Variants in SLC35B4 observed in about 807,000 individuals in gnomAD.
SLC35B4 encodes the protein nucleotide sugar transporter SLC35B4.
A neutral mutation model predicts 39.5 loss-of-function variants in SLC35B4; 28 were observed. The ratio of observed to expected loss-of-function variants is 0.71; its 90% CI spans 0.53 to 0.97. The LOEUF is 0.97. SLC35B4 is among the 50% of genes least tolerant of loss of function. The pLI, the probability that SLC35B4 is intolerant of heterozygous loss-of-function variation, is 0.00. For missense variants in SLC35B4, 334 were observed against 414.3 expected (o/e 0.81, Z 1.68); for synonymous variants, 145 against 150.4 (o/e 0.96, Z 0.26).
intron 1 of SLC35B4, among the ~76,000 whole-genome samples, chr7:134,310,388 G>A (rs1237427384): frequency 6.6e-6 from 1 of 152,124 alleles, no homozygotes; most frequent in East Asian, 1.9e-4. Flanking sequence ...CTGAAAACTA[G>A]TCATTTAAAA....
intron 1 of SLC35B4, among the ~76,000 whole-genome samples, chr7:134,312,493 C>T (rs907921077): frequency 6.6e-6 from 1 of 152,048 alleles, no homozygotes; most frequent in Non-Finnish European, 1.5e-5. Flanking sequence ...AAGCCAGTGC[C>T]TTAGCAGGGA....
At chr7:134,310,958 T>C (rs1391733472) in intron 1 of SLC35B4, among the ~76,000 whole-genome samples, 2 of 152,206 alleles carry the variant, frequency 1.3e-5, no homozygotes, top group Non-Finnish European at 2.9e-5. Flanking sequence ...CCATTCTCCA[T>C]TGGTATTAGT....
At chr7:134,305,448 G>A (rs951146237) in intron 3 of SLC35B4, among the ~76,000 whole-genome samples, 2 of 152,086 alleles carry the variant, frequency 1.3e-5, no homozygotes, top group Non-Finnish European at 2.9e-5. Context: ...TGCATCCCGT[G>A]AATACTGTAT....
intron 1 of SLC35B4, among the ~76,000 whole-genome samples, chr7:134,316,460 A>G (rs1803979868): frequency 6.6e-6 from 1 of 152,252 alleles, no homozygotes; most frequent in African/African-American, 2.4e-5. Flanking sequence ...GTTAGGCGGG[A>G]CTGCCGCCGG....
chr7:134,292,359 G>A lies in SLC35B4; in HGVS notation c.*2474C>T, dbSNP rs993894683. On this transcript the variant is annotated 3_prime_UTR_variant, in exon 10 of 10. Transcript: ENST00000378509. ...GAAAAAACAGTTCCCAGGGAATTTGGGGCTTTCTGCTTCTATATGTGGTCA... is the reference window on the plus strand; with the variant it reads ...GAAAAAACAGTTCCCAGGGAATTTGAGGCTTTCTGCTTCTATATGTGGTCA... 4 of 152,262 alleles carry A rather than the reference G, an allele frequency of 2.6e-5. No homozygotes were observed. The highest frequency in any genetic ancestry group is 9.7e-5 in the African/African-American group (4 of 41,378). 9.4% of individuals were successfully genotyped at this position (152,262 alleles called of 1,614,324 possible).
chr7:134,297,470 G>A (rs1803492593), intron 8 of SLC35B4, among the ~76,000 whole-genome samples: 1 of 152,182 alleles, frequency 6.6e-6, no homozygotes, highest in Non-Finnish European at 1.5e-5. Context: ...AAAATCAAAT[G>A]CCCAATGATG....
At chr7:134,299,383 G>T (rs779122617) in intron 8 of SLC35B4, 140 bp downstream of exon 8, 20 of 513,352 alleles carry the variant, frequency 3.9e-5, no homozygotes, top group Non-Finnish European at 6.7e-5. Flanking sequence ...GCAATGACTG[G>T]AAAGTGGAAT....
intron 1 of SLC35B4, among the ~76,000 whole-genome samples, chr7:134,311,303 G>A (rs1395945809): frequency 6.6e-6 from 1 of 152,110 alleles, no homozygotes; most frequent in Non-Finnish European, 1.5e-5. Flanking sequence ...AACTCTAGAT[G>A]GTTCCTAGCA....
chr7:134,305,948 CCT>C (rs1427627806), intron 3 of SLC35B4, among the ~76,000 whole-genome samples: 8 of 152,304 alleles, frequency 5.3e-5, no homozygotes, highest in Non-Finnish European at 1.5e-5. Context: ...GGATTACAGG[CCT>C]GAACCACTGT....
intron 1 of SLC35B4, among the ~76,000 whole-genome samples, chr7:134,311,518 G>C (rs564245041): frequency 6.6e-6 from 1 of 152,232 alleles, no homozygotes; most frequent in South Asian, 2.1e-4. Flanking sequence ...AGCCAGATGT[G>C]GTGGTGCATG....
chr7:134,296,755 A>G (rs959687351), intron 8 of SLC35B4, among the ~76,000 whole-genome samples: 7 of 152,360 alleles, frequency 4.6e-5, no homozygotes, highest in African/African-American at 1.7e-4. Flanking sequence ...GAAGCACAGA[A>G]AAGTTGAAAA....
rs935461281 is a variant in SLC35B4 at position 134,316,816 on chromosome 7, A to G, written c.-65T>C. The G allele has an allele frequency of 8.5e-5, 126 of 1,489,312 alleles. No individual in the cohort carries two copies. Among genetic ancestry groups the G allele is most frequent in the Non-Finnish European group, 1.1e-4 (124 of 1,099,274 alleles). The allele number at this position is 1,489,312 out of a possible 1,614,324, so 92.3% of individuals were successfully genotyped here. On this transcript the variant is annotated 5_prime_UTR_variant, in exon 1 of 10. Transcript: ENST00000378509. Reference sequence around the variant, plus strand: ...CGCCCGCCTGTACCGCTACCCCAGGAAGCCGGCCTCCTGCCTCTTCGCTGC... The same window carrying G: ...CGCCCGCCTGTACCGCTACCCCAGGGAGCCGGCCTCCTGCCTCTTCGCTGC...
chr7:134,317,846 C>A (rs1392426073), upstream of SLC35B4, among the ~76,000 whole-genome samples: 5 of 149,034 alleles, frequency 3.4e-5, no homozygotes, highest in South Asian at 1.0e-3. Flanking sequence ...ACTTTATCCA[C>A]CCAGCAAGAC....
intron 8 of SLC35B4, among the ~76,000 whole-genome samples, chr7:134,296,814 C>T (rs369169402): frequency 1.3e-5 from 2 of 152,186 alleles, no homozygotes; most frequent in Admixed American, 6.5e-5. Flanking sequence ...AGAGGAAAGG[C>T]GGCTAGCAAC....
intron 4 of SLC35B4, among the ~76,000 whole-genome samples, chr7:134,303,394 G>A (rs1430431726): frequency 6.6e-6 from 1 of 152,070 alleles, no homozygotes; most frequent in Admixed American, 6.6e-5. Flanking sequence ...GCACAGGCCT[G>A]TCCCAAGGCG....
rs1803396655 is a variant in SLC35B4, at chr7:134,293,939, T to G, written c.*894A>C. On this transcript the variant is annotated 3_prime_UTR_variant, in exon 10 of 10. Transcript: ENST00000378509. ...TCCCAAGTAGCTGGGATTACAGGCA[T>G]GCGCCATCACACCCAGCTAATTTTC... The G allele has an allele frequency of 6.6e-6, 1 of 152,414 alleles. No individual in the cohort carries two copies. Among genetic ancestry groups the G allele is most frequent in the Admixed American group, 6.5e-5 (1 of 15,278 alleles). The allele number at this position is 152,414 out of a possible 1,614,324, so 9.4% of individuals were successfully genotyped here. A position where few individuals can be genotyped will look rare whatever the true frequency, so the allele number is the denominator to read the frequency against.
intron 1 of SLC35B4, 86 bp downstream of exon 1, chr7:134,316,589 G>A (rs1803983938): frequency 1.4e-6 from 2 of 1,386,872 alleles, no homozygotes; most frequent in African/African-American, 1.4e-5. Flanking sequence ...TGGGGACAGG[G>A]CGTGGGCGCG....
rs543608979 is a variant in SLC35B4, at chr7:134,316,267, A to G, written c.77+408T>C. Reference sequence around the variant, plus strand: ...ATTTAACAGGATCGAAAAAAGAGCTAGAGTTGGATGGGAAGGAAGAGAGAG... The same window carrying G: ...ATTTAACAGGATCGAAAAAAGAGCTGGAGTTGGATGGGAAGGAAGAGAGAG... On this transcript the variant is annotated intron_variant, in intron 1 of 9. Transcript: ENST00000378509. Among the ~76,000 whole-genome samples the G allele has an allele frequency of 2.0e-5, 3 of 152,286 alleles. No individual in the cohort carries two copies. In the East Asian group the frequency reaches 5.8e-4, roughly 29 times the overall value.
At chr7:134,318,245 C>G (rs1563221631), upstream of SLC35B4, among the ~76,000 whole-genome samples, 1 of 152,124 alleles carries the variant, frequency 6.6e-6, no homozygotes, top group Non-Finnish European at 1.5e-5. Flanking sequence ...TTTTAACAAG[C>G]ACTCCACGTT....
Sources: gnomAD v4.1 joint callset for allele counts (sites outside exome capture counted in the v4.1 genomes callset) on GRCh38, gnomAD v4.1.1 for gene constraint, MANE v1.5 for transcripts, NCBI Gene and HGNC (gene_info 2026-07-23, HGNC 2026-07-21) for gene names.